The following MGAT4C variants were observed in gnomAD, a reference collection of about 807,000 sequenced individuals.
The protein encoded by MGAT4C is MGAT4 family member C, also known as alpha-1,3-mannosyl-glycoprotein 4-beta-N-acetylglucosaminyltransferase C.
In MGAT4C, 19 loss-of-function variants were observed where a neutral mutation model predicts 40.1. That is an observed-to-expected ratio of 0.47 (90% CI 0.33 to 0.70). The LOEUF (loss-of-function observed/expected upper bound fraction) is 0.70. Ranked by LOEUF, MGAT4C falls within the 30% of genes least tolerant of loss-of-function variation. The pLI is 0.02. For synonymous variants in MGAT4C, 181 were observed against 187.1 expected, an observed-to-expected ratio of 0.97 and a Z score of 0.27; for missense variants, 491 against 563.2, an observed-to-expected ratio of 0.87 and a Z score of 1.30.
chr12:86,806,634 T>C (rs1952361009), intron 1 of MGAT4C, among the ~76,000 whole-genome samples: 1 of 152,002 alleles, frequency 6.6e-6, no homozygotes, highest in South Asian at 2.1e-4. Flanking sequence ...TCACCTCCAC[T>C]TCAGTCCCTG....
At chr12:85,999,139 A>C (rs1565836777) in intron 2 of MGAT4C, among the ~76,000 whole-genome samples, 1 of 152,124 alleles carries the variant, frequency 6.6e-6, no homozygotes, top group Non-Finnish European at 1.5e-5. Flanking sequence ...TAAAACCATC[A>C]GATCTCATGA....
At chr12:86,479,389 T>C (rs986049340) in intron 2 of MGAT4C, among the ~76,000 whole-genome samples, 1 of 152,008 alleles carries the variant, frequency 6.6e-6, no homozygotes, top group East Asian at 1.9e-4. Flanking sequence ...ATAGTCATGA[T>C]ACTCTCTTGG....
intron 1 of MGAT4C, among the ~76,000 whole-genome samples, chr12:86,200,380 C>T (rs1314162770): frequency 6.6e-6 from 1 of 152,008 alleles, no homozygotes; most frequent in African/African-American, 2.4e-5. Context: ...TGTATTTTCA[C>T]TCTTTAGTAA....
intron 2 of MGAT4C, among the ~76,000 whole-genome samples, chr12:86,673,246 C>T (rs1447470475): frequency 1.3e-5 from 2 of 152,128 alleles, no homozygotes; most frequent in South Asian, 2.1e-4. Context: ...GTTACCTAAA[C>T]CCTCAGTTTA....
intron 1 of MGAT4C, among the ~76,000 whole-genome samples, chr12:86,202,144 T>C (rs1950076781): frequency 6.6e-6 from 1 of 152,150 alleles, no homozygotes; most frequent in South Asian, 2.1e-4. Context: ...AGACCTCTAA[T>C]ATAATGTTAA....
At chr12:86,109,790 C>T (rs1006350156) in intron 1 of MGAT4C, among the ~76,000 whole-genome samples, 21 of 151,794 alleles carry the variant, frequency 1.4e-4, no homozygotes, top group African/African-American at 4.8e-4. Context: ...CTTTATGGAG[C>T]TTTTACACTT....
chr12:86,044,829 C>T (rs567195012), intron 2 of MGAT4C, among the ~76,000 whole-genome samples: 1 of 152,218 alleles, frequency 6.6e-6, no homozygotes, highest in African/African-American at 2.4e-5. Flanking sequence ...CACCATACCC[C>T]GTGAGTTCAG....
intron 2 of MGAT4C, among the ~76,000 whole-genome samples, chr12:86,582,075 G>A (rs1960801716): frequency 6.6e-6 from 1 of 151,274 alleles, no homozygotes; most frequent in Non-Finnish European, 1.5e-5. Flanking sequence ...CATGAGTTAA[G>A]GCATTCTTGT....
intron 1 of MGAT4C, among the ~76,000 whole-genome samples, chr12:86,155,074 T>C (rs894002109): frequency 2.0e-5 from 3 of 152,112 alleles, no homozygotes; most frequent in South Asian, 2.1e-4. Flanking sequence ...TAAACAAAGG[T>C]ACAAATAGAA....
intron 2 of MGAT4C, among the ~76,000 whole-genome samples, chr12:86,457,785 T>A (rs558995985): frequency 2.0e-5 from 3 of 152,052 alleles, no homozygotes; most frequent in African/African-American, 7.2e-5. Context: ...TCTAGGAAAA[T>A]CAAAACATAT....
At position 86,170,424 on chromosome 12, in the gene MGAT4C, T is replaced by A. The variant is rs368583403; in HGVS notation, c.-57+85815A>T. ...TCCTTGGAAATCCTATGTTTTGATGTCATTAACACATTGTTAATGTTAATT... is the reference window on the plus strand; with the variant it reads ...TCCTTGGAAATCCTATGTTTTGATGACATTAACACATTGTTAATGTTAATT... On this transcript the variant is annotated intron_variant, in intron 1 of 4. Transcript: ENST00000611864. 1.8e-3 allele frequency among the ~76,000 whole-genome samples: 281 copies of A among 152,324 alleles called. 1 individual carries two copies. Among genetic ancestry groups the A allele is most frequent in the African/African-American group, 6.5e-3 (271 of 41,578 alleles).
chr12:86,587,789 C>T (rs1163931168), intron 2 of MGAT4C, among the ~76,000 whole-genome samples: 1 of 151,044 alleles, frequency 6.6e-6, no homozygotes, highest in Non-Finnish European at 1.5e-5. Context: ...GGTTTTTGTA[C>T]ATTGATTTTG....
At chr12:86,478,801 G>A (rs1033402266) in intron 2 of MGAT4C, among the ~76,000 whole-genome samples, 1 of 151,926 alleles carries the variant, frequency 6.6e-6, no homozygotes, top group Non-Finnish European at 1.5e-5. Context: ...AAGAAACTGA[G>A]GAAGGGATAT....
In MGAT4C at chr12:86,297,902, T is replaced by C. The variant is rs141474740; in HGVS notation, c.-57+36163A>G. Reference sequence around the variant, plus strand: ...AGCTTGATGTTTGATAAACATGACATCAAAAATCAGTGCAGAAATAATGGA... The same window carrying C: ...AGCTTGATGTTTGATAAACATGACACCAAAAATCAGTGCAGAAATAATGGA... On this transcript the variant is annotated intron_variant, in intron 4 of 7. Transcript: ENST00000548651. 5.9e-3 allele frequency among the ~76,000 whole-genome samples: 893 copies of C among 152,230 alleles called. 4 individuals are homozygous for C. The highest frequency in any genetic ancestry group is 0.01 in the Middle Eastern group (3 of 294).
intron 1 of MGAT4C, among the ~76,000 whole-genome samples, chr12:86,096,493 G>A (rs1197956592): frequency 7.8e-6 from 1 of 128,120 alleles, no homozygotes; most frequent in Admixed American, 8.6e-5. Context: ...TTAATTGGTT[G>A]TCTGTTGTTT....
At chr12:86,425,326 C>G (rs905064096) in intron 3 of MGAT4C, among the ~76,000 whole-genome samples, 1 of 152,076 alleles carries the variant, frequency 6.6e-6, no homozygotes, top group East Asian at 1.9e-4. Context: ...GGGTGTTTAC[C>G]TCATGATGTT....
At chr12:86,383,750 G>T (rs1303105040) in intron 3 of MGAT4C, among the ~76,000 whole-genome samples, 1 of 152,180 alleles carries the variant, frequency 6.6e-6, no homozygotes, top group African/African-American at 2.4e-5. Context: ...AGGCAGAATT[G>T]ACTTGCCTTG....
intron 4 of MGAT4C, among the ~76,000 whole-genome samples, chr12:86,327,268 T>A (rs1028220808): frequency 6.6e-6 from 1 of 152,124 alleles, no homozygotes; most frequent in Non-Finnish European, 1.5e-5. Flanking sequence ...GTAATATTGA[T>A]CTTGTCTTTG....
chr12:86,037,518 T>A (rs558684953), intron 2 of MGAT4C, among the ~76,000 whole-genome samples: 1 of 150,366 alleles, frequency 6.7e-6, no homozygotes, highest in Admixed American at 6.7e-5. Context: ...TCAAAGAACA[T>A]CTTTATTTCT....
Sources: allele counts gnomAD v4.1 joint callset (sites outside exome capture counted in the v4.1 genomes callset), GRCh38; gene constraint gnomAD v4.1.1; transcripts MANE v1.5; gene names NCBI Gene and HGNC (gene_info 2026-07-23, HGNC 2026-07-21).